Variants in CAPZB observed in about 807,000 individuals in gnomAD.
CAPZB encodes F-actin-capping protein subunit beta.
In CAPZB, 2 loss-of-function variants were observed where a neutral mutation model predicts 38.1. The ratio of observed to expected loss-of-function variants is 0.05; its 90% confidence interval spans 0.02 to 0.17. The LOEUF (loss-of-function observed/expected upper bound fraction) is 0.17. Among genes scored for constraint, CAPZB ranks in the 10% least tolerant of loss-of-function variants. The pLI is 1.00. For synonymous variants in CAPZB, 107 were observed against 127.4 expected (o/e 0.84, Z 1.08); for missense variants, 161 against 334.2 (o/e 0.48, Z 4.04).
In CAPZB at chr1:19,357,635, C is replaced by T; in HGVS notation, c.330-72G>A. The T allele has an allele frequency of 6.7e-7, 1 of 1,498,848 alleles. No homozygotes were observed. The highest frequency in any genetic ancestry group is 9.2e-7 in the Non-Finnish European group (1 of 1,085,218). 92.8% of individuals were successfully genotyped at this position (1,498,848 alleles called of 1,614,324 possible). ...CATCAGCCTGGGTCCCAGGCTGCTG[C>T]TCAGCAAAGATTCTGGGATTCAGGG... On this transcript the variant is annotated intron_variant, in intron 4 of 8. Transcript: ENST00000264202. This position sits in a 1 kb window ranked among gnomAD's most constrained non-coding sequence, Gnocchi z 4.3.
At chr1:19,366,550 T>C (rs894623792) in intron 4 of CAPZB, among the ~76,000 whole-genome samples, 1 of 151,894 alleles carries the variant, frequency 6.6e-6, no homozygotes, top group Non-Finnish European at 1.5e-5. Flanking sequence ...TAGCCAGGCA[T>C]GGTGGCAGGT....
chr1:19,439,984 G>C lies in CAPZB; in HGVS notation c.4-20234C>G, dbSNP rs556408900. Among the ~76,000 whole-genome samples the C allele has an allele frequency of 3.8e-4, 58 of 152,290 alleles. 1 individual carries two copies. The highest frequency in any genetic ancestry group is 1.4e-3 in the African/African-American group (58 of 41,554). ...TCCACATCATCTGCCCAGACACAAA[G>C]AGAGCGGGACAGGACCACAGCGTGG... On this transcript the variant is annotated intron_variant, in intron 1 of 8. Transcript: ENST00000264202.
Position 19,339,762 on chromosome 1 carries a change from T to G in CAPZB, c.732-145A>C. The G allele has an allele frequency of 4.2e-6, 3 of 708,314 alleles. No individual in the cohort carries two copies. In the South Asian group the frequency reaches 4.8e-5, roughly 11 times the overall value. The allele number at this position is 708,314 out of a possible 1,614,324, so 43.9% of individuals were successfully genotyped here. The stretch of plus-strand genomic sequence containing the variant: ...AGGCTCTGGGTCACTGGGCTGGGCA[T>G]CTGCCCCTCTCAGAAAGGGGCAAAG... On this transcript the variant is annotated intron_variant, in intron 8 of 8. Coordinates refer to ENST00000264202, the MANE Select transcript of CAPZB (RefSeq NM_004930.5).
intron 2 of CAPZB, among the ~76,000 whole-genome samples, chr1:19,397,249 T>C (rs562984761): frequency 6.6e-6 from 1 of 152,352 alleles, no homozygotes; most frequent in African/African-American, 2.4e-5. Context: ...TACTGAACTA[T>C]CAAAGTTATG....
At chr1:19,400,082 A>G (rs776017909) in intron 2 of CAPZB, among the ~76,000 whole-genome samples, 30 of 152,134 alleles carry the variant, frequency 2.0e-4, no homozygotes, top group Non-Finnish European at 3.5e-4. Context: ...GGGAATTTCT[A>G]TATTTGTATA....
At chr1:19,350,197 G>A (rs1053883182) in intron 6 of CAPZB, among the ~76,000 whole-genome samples, 2 of 152,274 alleles carry the variant, frequency 1.3e-5, no homozygotes, top group Non-Finnish European at 2.9e-5. Context: ...GACCCGCAGG[G>A]CGTGGCCCTA....
chr1:19,483,094 G>A (rs2094635882), intron 1 of CAPZB, among the ~76,000 whole-genome samples: 1 of 152,130 alleles, frequency 6.6e-6, no homozygotes, highest in African/African-American at 2.4e-5. Flanking sequence ...ACAAATCTCT[G>A]CCCTCCAAGA....
At chr1:19,476,227 G>A (rs4495731) in intron 1 of CAPZB, among the ~76,000 whole-genome samples, 13,524 of 46,868 alleles carry the variant, frequency 0.29, 703 homozygotes, top group East Asian at 0.46. Flanking sequence ...TAGATAGATA[G>A]GCAGGCAGGC....
Position 19,436,839 on chromosome 1 carries a change from T to C in CAPZB, c.4-17089A>G, listed in dbSNP as rs545460023. ...GAAACAAGAAAGTAAAAGCATATAA[T>C]CTAACAATTTCACAACAAAGGCCTC... On this transcript the variant is annotated intron_variant, in intron 1 of 8. Coordinates refer to ENST00000264202, the MANE Select transcript of CAPZB (RefSeq NM_004930.5). 2.0e-5 allele frequency among the ~76,000 whole-genome samples: 3 copies of C among 152,340 alleles called. No individual in the cohort carries two copies. The South Asian group carries it at 6.2e-4, about 32-fold the overall frequency.
intron 1 of CAPZB, among the ~76,000 whole-genome samples, chr1:19,481,734 A>G (rs2100821543): frequency 6.6e-6 from 1 of 152,278 alleles, no homozygotes; most frequent in East Asian, 1.9e-4. Context: ...GACACAAGAG[A>G]AGACACACCC....
intron 4 of CAPZB, among the ~76,000 whole-genome samples, chr1:19,362,036 T>A (rs928667953): frequency 2.0e-5 from 3 of 152,134 alleles, no homozygotes; most frequent in Non-Finnish European, 1.5e-5. Flanking sequence ...CCCCTGCCCA[T>A]GCCTGATAAT....
chr1:19,443,129 GT>G (rs1240271885), intron 1 of CAPZB, among the ~76,000 whole-genome samples: 2 of 151,966 alleles, frequency 1.3e-5, no homozygotes, highest in East Asian at 3.9e-4. Context: ...GTTCACGCCT[GT>G]AATCACAGCA....
At chr1:19,454,105 C>T (rs921730323) in intron 1 of CAPZB, among the ~76,000 whole-genome samples, 7 of 152,178 alleles carry the variant, frequency 4.6e-5, no homozygotes, top group Admixed American at 6.5e-5. Flanking sequence ...TAGGTTTCTC[C>T]AGGCTCAGGC....
chr1:19,409,051 C>A (rs181490120), intron 2 of CAPZB, among the ~76,000 whole-genome samples: 1 of 152,180 alleles, frequency 6.6e-6, no homozygotes. Context: ...AGAATCCAGG[C>A]CACTTAGTGT....
rs1238902391 is a variant in CAPZB at position 19,356,547 on chromosome 1, T to C, written c.588+88A>G. 3.5e-6 allele frequency: 3 copies of C among 847,228 alleles called. No homozygotes were observed. The highest frequency in any genetic ancestry group is 6.2e-6 in the Non-Finnish European group (3 of 481,932). 52.5% of individuals were successfully genotyped at this position (847,228 alleles called of 1,614,324 possible). On this transcript the variant is annotated intron_variant, in intron 6 of 8. Coordinates refer to ENST00000264202, the MANE Select transcript of CAPZB (RefSeq NM_004930.5). This position sits in a 1 kb window ranked among gnomAD's most constrained non-coding sequence, Gnocchi z 4.3. ...GCTGGCTGAACATGCTTACCCTAAA[T>C]GGGGCACCTGCTCACTCATCTCTGC...
chr1:19,432,441 C>CA (rs1037479773), intron 1 of CAPZB, among the ~76,000 whole-genome samples: 5 of 151,502 alleles, frequency 3.3e-5, no homozygotes, highest in African/African-American at 9.7e-5. Context: ...GACCCTCTCT[C>CA]AAAAAAAATT....
intron 2 of CAPZB, 76 bp from the exon 3 acceptor site, chr1:19,385,702 G>A: frequency 1.3e-6 from 2 of 1,579,742 alleles, no homozygotes; most frequent in Non-Finnish European, 1.7e-6. Context: ...CAATACTGCA[G>A]CCATATTGTG....
intron 1 of CAPZB, among the ~76,000 whole-genome samples, chr1:19,454,183 A>C (rs1570317195): frequency 6.6e-6 from 1 of 152,092 alleles, no homozygotes; most frequent in South Asian, 2.1e-4. Context: ...TGGCTAGAAA[A>C]CCCTACAATA....
At chr1:19,412,720 T>A (rs2094362579) in intron 2 of CAPZB, among the ~76,000 whole-genome samples, 1 of 152,162 alleles carries the variant, frequency 6.6e-6, no homozygotes, top group Non-Finnish European at 1.5e-5. Context: ...GGGGAAAGAA[T>A]GAGAAGCGCC....
Sources: gnomAD v4.1 joint callset for allele counts (sites outside exome capture counted in the v4.1 genomes callset) on GRCh38, gnomAD v4.1.1 for gene constraint, Gnocchi (gnomAD v3.1) non-coding constraint, MANE v1.5 for transcripts, NCBI Gene and HGNC (gene_info 2026-07-23, HGNC 2026-07-21) for gene names.